Variants in MERTK observed in about 807,000 individuals in gnomAD.
MERTK encodes tyrosine-protein kinase Mer.
Under a neutral mutation model 99.3 loss-of-function variants are expected in MERTK, and 69 were observed. The ratio of observed to expected loss-of-function variants is 0.70; its 90% CI spans 0.57 to 0.85. The LOEUF (loss-of-function observed/expected upper bound fraction) is 0.85, where lower values mean the gene tolerates loss of function less well. MERTK is among the 40% of genes least tolerant of loss of function. The pLI is 0.00. For synonymous variants in MERTK, 426 were observed against 467.6 expected, an observed-to-expected ratio of 0.91 and a Z score of 1.15; for missense variants, 1,125 against 1,249.4, an observed-to-expected ratio of 0.90 and a Z score of 1.50.
chr2:111,923,669 C>T (rs1273701895), intron 1 of MERTK, among the ~76,000 whole-genome samples: 2 of 152,144 alleles, frequency 1.3e-5, no homozygotes, highest in African/African-American at 4.8e-5. Context: ...AAATTACAAC[C>T]AGAGGCACCC....
At chr2:111,963,911 C>T (rs1020500109) in intron 4 of MERTK, among the ~76,000 whole-genome samples, 12 of 151,716 alleles carry the variant, frequency 7.9e-5, no homozygotes, top group African/African-American at 2.9e-4. Context: ...TTTTTGTTCT[C>T]GGGAGGAAGG....
intron 1 of MERTK, among the ~76,000 whole-genome samples, chr2:111,918,824 T>C (rs1416426517): frequency 1.3e-5 from 2 of 152,134 alleles, no homozygotes; most frequent in African/African-American, 2.4e-5. Flanking sequence ...TATTCCACTC[T>C]TATCTTGGAG....
At chr2:111,951,140 G>T (rs539306180) in intron 4 of MERTK, among the ~76,000 whole-genome samples, 25 of 151,820 alleles carry the variant, frequency 1.6e-4, no homozygotes, top group African/African-American at 5.8e-4. Context: ...AGTTCGGGGG[G>T]CGGGGAGGGA....
chr2:111,914,480 T>C (rs368882732), intron 1 of MERTK, among the ~76,000 whole-genome samples: 153 of 152,306 alleles, frequency 1.0e-3, no homozygotes, highest in African/African-American at 3.6e-3. Context: ...GGTTTCACCA[T>C]GTTGGCCATG....
intron 1 of MERTK, among the ~76,000 whole-genome samples, chr2:111,920,699 G>A (rs1320353185): frequency 6.6e-6 from 1 of 151,682 alleles, no homozygotes; most frequent in Non-Finnish European, 1.5e-5. Flanking sequence ...TGTTGCCTAC[G>A]CTGGAGTGCA....
At chr2:111,982,057 TC>T (rs1050535235) in intron 7 of MERTK, among the ~76,000 whole-genome samples, 2 of 151,392 alleles carry the variant, frequency 1.3e-5, no homozygotes, top group Non-Finnish European at 2.9e-5. Context: ...TCATGAAATT[TC>T]CTTTTTTTTT....
intron 4 of MERTK, among the ~76,000 whole-genome samples, chr2:111,957,790 C>T (rs1024048893): frequency 3.9e-5 from 6 of 152,114 alleles, no homozygotes; most frequent in African/African-American, 1.4e-4. Context: ...GCAGCATGAT[C>T]TTCCATTTGT....
chr2:111,929,121 T>C lies in MERTK; in HGVS notation c.63T>C (p.Ala21=). 1 of 1,614,198 alleles carries C rather than the reference T, an allele frequency of 6.2e-7. No individual in the cohort carries two copies. The highest frequency in any genetic ancestry group is 8.5e-7 in the Non-Finnish European group (1 of 1,180,038). ...GLFLPALWRR[A]ITEAREEAKP... is the part of the protein sequence containing the mutation. ...AAATTTGGATGTTCTGTTTTACAGC[T>C]ATCACTGAGGCAAGGGAAGAAGCCA... Residue 21 remains alanine, a splice_region_variant and synonymous_variant, in exon 2 of 19, where the codon GCT becomes GCC. Transcript: ENST00000295408.
chr2:111,984,897 A>T (rs1350711963), intron 8 of MERTK, among the ~76,000 whole-genome samples: 1 of 152,214 alleles, frequency 6.6e-6, no homozygotes, highest in East Asian at 1.9e-4. Flanking sequence ...TATCAGAATC[A>T]TCCACAATGT....
chr2:111,973,435 G>A (rs1342725946), intron 6 of MERTK, among the ~76,000 whole-genome samples: 1 of 151,814 alleles, frequency 6.6e-6, no homozygotes, highest in African/African-American at 2.4e-5. Flanking sequence ...TCACCCACGG[G>A]GTCTGAGTCA....
intron 1 of MERTK, among the ~76,000 whole-genome samples, chr2:111,899,587 G>C (rs972705191): frequency 1.3e-5 from 2 of 151,904 alleles, no homozygotes; most frequent in Admixed American, 6.6e-5. Context: ...GCGCGATCTC[G>C]GCTCACTGCA....
rs777207765 is a variant in MERTK, at chr2:111,899,068, C to T, written c.61+272C>T. On this transcript the variant is annotated intron_variant, in intron 1 of 18. Coordinates refer to ENST00000295408, the MANE Select transcript of MERTK (RefSeq NM_006343.3). Reference sequence around the variant, plus strand: ...CGGGGTCGGCGTTGCAGGCTCCCCTCTTCACCGCAGAGGAGGAAATCGAGC... The same window carrying T: ...CGGGGTCGGCGTTGCAGGCTCCCCTTTTCACCGCAGAGGAGGAAATCGAGC... Among the ~76,000 whole-genome samples the T allele has an allele frequency of 1.1e-3, 171 of 152,324 alleles. 2 individuals carry two copies. Among genetic ancestry groups the T allele is most frequent in the Non-Finnish European group, 2.1e-3 (145 of 68,024 alleles).
intron 1 of MERTK, among the ~76,000 whole-genome samples, chr2:111,904,360 T>C (rs1684098210): frequency 6.6e-6 from 1 of 150,786 alleles, no homozygotes; most frequent in Non-Finnish European, 1.5e-5. Flanking sequence ...GGTTTTTGAG[T>C]GTGAACATCC....
At position 112,022,343 on chromosome 2, in the gene MERTK, A is replaced by C. The variant is rs141361084; in HGVS notation, c.2435A>C (p.Tyr812Ser). ...PGVQNHEMYD[Y>S]LLHGHRLKQP... ...GTCCAGAACCATGAGATGTATGACT[A>C]TCTTCTCCATGGCCACAGGTTGAAG... The change falls in exon 18 of 19, where the codon TAT becomes TCT. Residue 812 changes from tyrosine to serine, a missense_variant. Physicochemically the swap from Tyr to Ser is moderately radical, Grantham distance 144. Transcript: ENST00000295408. 56 of 1,614,214 alleles carry C rather than the reference A, an allele frequency of 3.5e-5. No homozygotes were observed. In the Middle Eastern group the frequency reaches 3.3e-3, roughly 95 times the overall value.
chr2:112,017,230 G>A (rs1030077170), intron 15 of MERTK, among the ~76,000 whole-genome samples: 1 of 152,060 alleles, frequency 6.6e-6, no homozygotes, highest in African/African-American at 2.4e-5. Flanking sequence ...GTGCTGATTG[G>A]TGCATTTACA....
intron 7 of MERTK, among the ~76,000 whole-genome samples, chr2:111,981,989 A>G (rs562165490): frequency 6.6e-6 from 1 of 151,848 alleles, no homozygotes; most frequent in South Asian, 2.1e-4. Context: ...AGGAGTCCAG[A>G]GCACCACCCA....
At chr2:112,018,659 A>G (rs1178144264) in intron 15 of MERTK, among the ~76,000 whole-genome samples, 1 of 152,150 alleles carries the variant, frequency 6.6e-6, no homozygotes, top group South Asian at 2.1e-4. Flanking sequence ...CAGGGCCATG[A>G]TTGCACTAAA....
intron 2 of MERTK, among the ~76,000 whole-genome samples, chr2:111,932,729 A>G (rs1291285225): frequency 6.6e-6 from 1 of 152,176 alleles, no homozygotes; most frequent in Admixed American, 6.5e-5. Context: ...GGTGAGGAGC[A>G]TTATCTTTTA....
chr2:112,025,289 G>C (rs1400858485), intron 18 of MERTK, among the ~76,000 whole-genome samples: 1 of 152,188 alleles, frequency 6.6e-6, no homozygotes, highest in Non-Finnish European at 1.5e-5. Flanking sequence ...AGCTGCAGTT[G>C]CGTGGACTCA....
Sources: allele counts gnomAD v4.1 joint callset (sites outside exome capture counted in the v4.1 genomes callset), GRCh38; gene constraint gnomAD v4.1.1; transcripts MANE v1.5; gene names NCBI Gene and HGNC (gene_info 2026-07-23, HGNC 2026-07-21).